CDH8: variants seen among roughly 807,000 people sequenced by gnomAD.
CDH8 encodes the protein cadherin-8.
In CDH8, 17 loss-of-function variants were observed where a neutral mutation model predicts 68.1. The ratio of observed to expected loss-of-function variants is 0.25; its 90% CI spans 0.17 to 0.37. The LOEUF (loss-of-function observed/expected upper bound fraction) is 0.37. Among genes scored for constraint, CDH8 ranks in the 10% least tolerant of loss-of-function variants. The pLI is 1.00. For synonymous variants in CDH8, 372 were observed against 365.1 expected, an observed-to-expected ratio of 1.02 and a Z score of -0.21; for missense variants, 763 against 999.3, an observed-to-expected ratio of 0.76 and a Z score of 3.19.
chr16:61,677,785 A>G (rs1354425243), intron 10 of CDH8, among the ~76,000 whole-genome samples: 1 of 151,676 alleles, frequency 6.6e-6, no homozygotes, highest in Non-Finnish European at 1.5e-5. Flanking sequence ...ACCTGAATAG[A>G]CCCCTCCTGT....
chr16:61,796,023 C>T (rs1291315524), intron 7 of CDH8, among the ~76,000 whole-genome samples: 1 of 151,952 alleles, frequency 6.6e-6, no homozygotes, highest in Non-Finnish European at 1.5e-5. Flanking sequence ...CATATAGCAT[C>T]ACATAGATTG....
intron 10 of CDH8, among the ~76,000 whole-genome samples, chr16:61,713,029 A>G (rs1157064393): frequency 6.6e-6 from 1 of 151,652 alleles, no homozygotes; most frequent in Non-Finnish European, 1.5e-5. Flanking sequence ...AAAGCCAGAA[A>G]AAAGCCTGAG....
chr16:61,947,164 A>G (rs986029095), intron 2 of CDH8, among the ~76,000 whole-genome samples: 4 of 107,010 alleles, frequency 3.7e-5, no homozygotes, highest in African/African-American at 1.6e-4. Flanking sequence ...AATTCTATAC[A>G]TGAATATTAT....
intron 10 of CDH8, among the ~76,000 whole-genome samples, chr16:61,681,555 G>GTT (rs56758725): frequency 9.6e-5 from 14 of 145,564 alleles, no homozygotes; most frequent in Non-Finnish European, 7.6e-5. Flanking sequence ...GAGCAAGAAG[G>GTT]TTTTTTTTTT....
intron 8 of CDH8, among the ~76,000 whole-genome samples, chr16:61,745,623 G>A (rs2142934609): frequency 6.9e-6 from 1 of 144,804 alleles, no homozygotes; most frequent in African/African-American, 2.6e-5. Flanking sequence ...TCTAAATCTG[G>A]TTTGCAAATC....
At chr16:62,018,558 CA>C (rs1399348507) in intron 2 of CDH8, among the ~76,000 whole-genome samples, 2 of 152,182 alleles carry the variant, frequency 1.3e-5, no homozygotes, top group African/African-American at 4.8e-5. Flanking sequence ...TAATCTGAAG[CA>C]GTCACCTGAA....
chr16:61,814,641 A>G (rs1177743984), intron 7 of CDH8, among the ~76,000 whole-genome samples: 1 of 152,196 alleles, frequency 6.6e-6, no homozygotes. Flanking sequence ...CATTCTTGTC[A>G]GTGTATAAAA....
intron 10 of CDH8, among the ~76,000 whole-genome samples, chr16:61,713,556 G>A (rs1056753484): frequency 6.6e-6 from 1 of 151,596 alleles, no homozygotes; most frequent in African/African-American, 2.4e-5. Flanking sequence ...ATACCTGGAA[G>A]CTTTCACAGG....
intron 7 of CDH8, among the ~76,000 whole-genome samples, chr16:61,794,675 T>C (rs971392345): frequency 2.0e-5 from 3 of 152,012 alleles, no homozygotes; most frequent in African/African-American, 7.2e-5. Flanking sequence ...TAGAGGAATT[T>C]GGTTTAAGTG....
chr16:62,017,034 A>G (rs1901958503), intron 2 of CDH8, among the ~76,000 whole-genome samples: 1 of 152,360 alleles, frequency 6.6e-6, no homozygotes, highest in Admixed American at 6.5e-5. Context: ...AGAGAACATG[A>G]AAGTTCCTTT....
At chr16:61,822,813 G>A (rs925578307) in intron 5 of CDH8, among the ~76,000 whole-genome samples, 6 of 151,836 alleles carry the variant, frequency 4.0e-5, no homozygotes, top group Admixed American at 1.3e-4. Context: ...GCAAGGGGCC[G>A]CGCCGTGCTG....
At chr16:61,974,592 T>C (rs896374929) in intron 2 of CDH8, among the ~76,000 whole-genome samples, 19 of 152,288 alleles carry the variant, frequency 1.2e-4, no homozygotes, top group African/African-American at 4.3e-4. Flanking sequence ...AAGGAAATTG[T>C]AGATATCCTT....
In CDH8 at chr16:61,901,186, G is replaced by C; in HGVS notation, c.540C>G (p.Ser180=). 1 of 1,612,510 alleles carries C rather than the reference G, an allele frequency of 6.2e-7. No individual in the cohort carries two copies. The highest frequency in any genetic ancestry group is 8.5e-7 in the Non-Finnish European group (1 of 1,179,222). Residue 180 remains serine (S), a synonymous_variant, in exon 3 of 12, where the codon TCC becomes TCG. Transcript: ENST00000577390. ...AATTGGAAGCATACATACCCAAAATGGACATTTCTGGCACAGTAGCATGAT... is the reference window on the plus strand; with the variant it reads ...AATTGGAAGCATACATACCCAAAATCGACATTTCTGGCACAGTAGCATGAT... ...GPYHATVPEM[S]ILGTSVTNVT...
chr16:61,667,788 C>T (rs1963708873), intron 10 of CDH8: 1 of 152,000 alleles, frequency 6.6e-6, no homozygotes, highest in Admixed American at 6.6e-5. Flanking sequence ...TTTACTGAGT[C>T]ACAGCAAGGC....
intron 2 of CDH8, among the ~76,000 whole-genome samples, chr16:61,915,733 T>C (rs1010717472): frequency 6.6e-6 from 1 of 152,164 alleles, no homozygotes; most frequent in Non-Finnish European, 1.5e-5. Flanking sequence ...AAACCAGTAA[T>C]ACCCAATTAA....
At chr16:61,808,024 A>G (rs1215502148) in intron 7 of CDH8, among the ~76,000 whole-genome samples, 1 of 152,228 alleles carries the variant, frequency 6.6e-6, no homozygotes, top group African/African-American at 2.4e-5. Context: ...ATGTAAATGA[A>G]ATATATGCAA....
intron 2 of CDH8, among the ~76,000 whole-genome samples, chr16:61,917,745 A>T (rs2143367022): frequency 6.6e-6 from 1 of 152,282 alleles, no homozygotes; most frequent in African/African-American, 2.4e-5. Flanking sequence ...TACATAGTGA[A>T]CCTTCTTTGC....
chr16:61,925,191 A>G (rs1964437335), intron 2 of CDH8, among the ~76,000 whole-genome samples: 1 of 152,234 alleles, frequency 6.6e-6, no homozygotes, highest in Non-Finnish European at 1.5e-5. Flanking sequence ...TTGTCCAATT[A>G]AAGCAGGTGA....
At chr16:61,922,607 G>A (rs898966771) in intron 2 of CDH8, among the ~76,000 whole-genome samples, 6 of 152,026 alleles carry the variant, frequency 3.9e-5, no homozygotes, top group Admixed American at 2.6e-4. Flanking sequence ...TTTTATGAAA[G>A]TTCTTTTTAG....
Sources: gnomAD v4.1 joint callset for allele counts (sites outside exome capture counted in the v4.1 genomes callset) on GRCh38, gnomAD v4.1.1 for gene constraint, MANE v1.5 for transcripts, NCBI Gene and HGNC (gene_info 2026-07-23, HGNC 2026-07-21) for gene names.